FAM151B: variants seen among roughly 807,000 people sequenced by gnomAD.
FAM151B encodes protein FAM151B.
A neutral mutation model predicts 31.2 loss-of-function variants in FAM151B; 24 were observed. The ratio of observed to expected loss-of-function variants is 0.77; its 90% confidence interval spans 0.56 to 1.08. The LOEUF is 1.08. Among genes scored for constraint, FAM151B ranks in the 50% least tolerant of loss-of-function variants. The pLI is 0.00. For synonymous variants in FAM151B, 105 were observed against 111.4 expected, an observed-to-expected ratio of 0.94 and a Z score of 0.36; for missense variants, 293 against 328.6, an observed-to-expected ratio of 0.89 and a Z score of 0.84.
At chr5:80,498,112 T>C (rs2112601521) in intron 1 of FAM151B, among the ~76,000 whole-genome samples, 2 of 152,348 alleles carry the variant, frequency 1.3e-5, no homozygotes, top group South Asian at 4.1e-4. Flanking sequence ...GCATATGTAC[T>C]GTGATTTAAT....
chr5:80,519,358 G>A (rs1039517143), intron 3 of FAM151B, among the ~76,000 whole-genome samples: 1 of 152,112 alleles, frequency 6.6e-6, no homozygotes, highest in African/African-American at 2.4e-5. Flanking sequence ...ATTCTGGAAC[G>A]AGTGAATATT....
At chr5:80,511,541 A>T (rs896488724) in intron 2 of FAM151B, among the ~76,000 whole-genome samples, 1 of 151,102 alleles carries the variant, frequency 6.6e-6, no homozygotes, top group Non-Finnish European at 1.5e-5. Flanking sequence ...CCTGTCATCT[A>T]TCCCACTTTT....
intron 5 of FAM151B, among the ~76,000 whole-genome samples, chr5:80,530,404 G>A (rs1745179773): frequency 6.6e-6 from 1 of 151,710 alleles, no homozygotes; most frequent in Non-Finnish European, 1.5e-5. Context: ...GGCAGGAGAA[G>A]GAAATAAAGG....
chr5:80,520,586 A>C (rs1319710928), intron 4 of FAM151B, among the ~76,000 whole-genome samples: 3 of 150,308 alleles, frequency 2.0e-5, no homozygotes, highest in Non-Finnish European at 4.4e-5. Flanking sequence ...CGTAGGTTGC[A>C]GTGAGCCAAG....
chr5:80,501,926 G>A lies in FAM151B; in HGVS notation c.151+9G>A. 1 of 1,560,264 alleles carries A rather than the reference G, an allele frequency of 6.4e-7. No individual in the cohort carries two copies. The highest frequency in any genetic ancestry group is 8.7e-7 in the Non-Finnish European group (1 of 1,150,552). ...AAATGAGGCACTGAAAAGTAAGTCA[G>A]TACAGTTACTTGTAATTTACTTTGG... On this transcript the variant is annotated intron_variant, in intron 2 of 5. Coordinates refer to ENST00000282226, the MANE Select transcript of FAM151B (RefSeq NM_205548.3).
intron 5 of FAM151B, among the ~76,000 whole-genome samples, chr5:80,539,603 T>C (rs1316729002): frequency 1.3e-5 from 2 of 152,154 alleles, no homozygotes; most frequent in African/African-American, 4.8e-5. Context: ...GCTATTCCTG[T>C]ACCTCAGCCT....
chr5:80,496,802 T>A (rs1158570187), intron 1 of FAM151B, among the ~76,000 whole-genome samples: 1 of 5,040 alleles, frequency 2.0e-4, no homozygotes, highest in Non-Finnish European at 2.3e-3. Context: ...TTGCTTAATT[T>A]TTTTTTTTTT....
At chr5:80,540,518 T>C (rs1463769682) in intron 5 of FAM151B, among the ~76,000 whole-genome samples, 1 of 152,186 alleles carries the variant, frequency 6.6e-6, no homozygotes, top group Non-Finnish European at 1.5e-5. Context: ...TTTCCATCCA[T>C]TTCCTCAGGC....
intron 2 of FAM151B, among the ~76,000 whole-genome samples, chr5:80,509,093 C>T (rs1171350967): frequency 6.6e-6 from 1 of 152,102 alleles, no homozygotes; most frequent in Non-Finnish European, 1.5e-5. Flanking sequence ...CCCTCCTCAG[C>T]CTTCTAAGTA....
At chr5:80,500,858 C>T in intron 1 of FAM151B, 1 of 1,023,350 alleles carries the variant, frequency 9.8e-7, no homozygotes, top group Non-Finnish European at 1.5e-6. Context: ...TTGATTGTTC[C>T]ATCTCTTGGT....
chr5:80,494,465 TTTCTTTCTTTCTTTC>T (rs1561359185), intron 1 of FAM151B, among the ~76,000 whole-genome samples: 1,262 of 76,730 alleles, frequency 0.016, 41 homozygotes, highest in East Asian at 0.073. Flanking sequence ...CTTTTCTTTC[TTTCTTTCTTTCTTTC>T]TTTCTTTCTT....
intron 1 of FAM151B, among the ~76,000 whole-genome samples, chr5:80,493,532 G>A (rs564730040): frequency 3.3e-5 from 5 of 152,318 alleles, no homozygotes; most frequent in African/African-American, 9.6e-5. Context: ...ATGGATGTGC[G>A]AGTAGGAGAG....
At chr5:80,536,923 G>C (rs985842840) in intron 5 of FAM151B, among the ~76,000 whole-genome samples, 4 of 152,150 alleles carry the variant, frequency 2.6e-5, no homozygotes, top group Non-Finnish European at 4.4e-5. Context: ...GTGGGTGTTG[G>C]GGGGAGGTGT....
At position 80,510,660 on chromosome 5, in the gene FAM151B, C is replaced by T. The variant is rs368529539; in HGVS notation, c.152-2944C>T. ...GATTTAGAATTAGGTGCAATCAAGG[C>T]TTATAAGAGTGAATTTCAAGTTGTT... On this transcript the variant is annotated intron_variant, in intron 2 of 5. Coordinates refer to ENST00000282226, the MANE Select transcript of FAM151B (RefSeq NM_205548.3). 17 of 152,316 alleles carry T rather than the reference C, an allele frequency of 1.1e-4. 1 individual carries two copies. Among genetic ancestry groups the T allele is most frequent in the African/African-American group, 3.8e-4 (16 of 41,574 alleles). The allele number at this position is 152,316 out of a possible 1,614,324, so 9.4% of individuals were successfully genotyped here. A position where few individuals can be genotyped will look rare whatever the true frequency, so the allele number is the denominator to read the frequency against.
chr5:80,524,411 G>C (rs777156799), intron 5 of FAM151B, among the ~76,000 whole-genome samples: 20 of 152,120 alleles, frequency 1.3e-4, no homozygotes, highest in Non-Finnish European at 2.5e-4. Flanking sequence ...TCCTCCTACT[G>C]TCCATTAGAT....
intron 1 of FAM151B, chr5:80,501,516 A>G (rs1311625969): frequency 7.7e-6 from 3 of 388,560 alleles, no homozygotes; most frequent in Non-Finnish European, 1.4e-5. Flanking sequence ...AATGTGCAAC[A>G]TGAGGACTCC....
intron 3 of FAM151B, among the ~76,000 whole-genome samples, chr5:80,518,445 G>T (rs1302838073): frequency 6.6e-6 from 1 of 152,200 alleles, no homozygotes; most frequent in Non-Finnish European, 1.5e-5. Context: ...AGGAAGTACA[G>T]TGTTGGATCT....
chr5:80,509,403 C>T (rs945946676), intron 2 of FAM151B, among the ~76,000 whole-genome samples: 16 of 152,116 alleles, frequency 1.1e-4, no homozygotes, highest in East Asian at 1.9e-4. Context: ...TCTCTCGCTC[C>T]GCCTTCCACC....
rs78583778 is a variant in FAM151B at position 80,497,684 on chromosome 5, G to A, written c.26-4108G>A. Among the ~76,000 whole-genome samples, 533 of 150,976 alleles carry A rather than the reference G, an allele frequency of 3.5e-3. 1 individual carries two copies. The highest frequency in any genetic ancestry group is 5.3e-3 in the Non-Finnish European group (362 of 67,900). On this transcript the variant is annotated intron_variant, in intron 1 of 5. Transcript: ENST00000282226. ...AATTTTTTTAAATTCTAGAGTCCTG[G>A]TATTTTATTATTACTCTGTAAGTTG...
Sources: allele counts gnomAD v4.1 joint callset (sites outside exome capture counted in the v4.1 genomes callset), GRCh38; gene constraint gnomAD v4.1.1; transcripts MANE v1.5; gene names NCBI Gene and HGNC (gene_info 2026-07-23, HGNC 2026-07-21).